AFG2A: variants seen among roughly 807,000 people sequenced by gnomAD.
AFG2A encodes the protein ATPase family gene 2 protein homolog A.
chr4:123,155,216 C>T, the AFG2A span, among the ~76,000 whole-genome samples: 2 of 152,182 alleles, frequency 1.3e-5, no homozygotes, highest in East Asian at 3.9e-4. Flanking sequence ...TCCCGAGTAG[C>T]GTGGACTACA....
At chr4:123,138,249 G>T in the AFG2A span, among the ~76,000 whole-genome samples, 1 of 152,152 alleles carries the variant, frequency 6.6e-6, no homozygotes, top group Non-Finnish European at 1.5e-5. Flanking sequence ...ATTGCCCCAG[G>T]TAACACAGCT....
At chr4:123,131,427 A>T in the AFG2A span, among the ~76,000 whole-genome samples, 1 of 152,108 alleles carries the variant, frequency 6.6e-6, no homozygotes, top group Admixed American at 6.5e-5. Flanking sequence ...AAGTATATTC[A>T]CATTGTTGCA....
At chr4:123,256,905 AG>A in the AFG2A span, 3 of 938,838 alleles carry the variant, frequency 3.2e-6, no homozygotes, top group South Asian at 1.5e-4. Flanking sequence ...GCATTTCTTA[AG>A]GAAAGGACCA....
At chr4:122,986,655 G>A in the AFG2A span, among the ~76,000 whole-genome samples, 1,523 of 152,094 alleles carry the variant, frequency 0.01, 36 homozygotes, top group African/African-American at 0.035. Flanking sequence ...TACACTGCTC[G>A]GGTGATGACT....
At chr4:122,967,121 A>G in the AFG2A span, among the ~76,000 whole-genome samples, 1 of 152,192 alleles carries the variant, frequency 6.6e-6, no homozygotes, top group African/African-American at 2.4e-5. Context: ...TTTCAAAACC[A>G]GTTCGGTGCA....
chr4:123,016,307 C>T, the AFG2A span, among the ~76,000 whole-genome samples: 11 of 151,304 alleles, frequency 7.3e-5, no homozygotes, highest in Non-Finnish European at 1.5e-4. Flanking sequence ...CGGGCAGAGA[C>T]GCCCCTCACT....
the AFG2A span, chr4:122,923,126 T>G: frequency 3.1e-6 from 5 of 1,613,900 alleles, no homozygotes; most frequent in African/African-American, 2.7e-5. Flanking sequence ...CTGCTTCGGC[T>G]AGGGTACCTT....
At chr4:123,241,906 T>A in the AFG2A span, among the ~76,000 whole-genome samples, 4 of 152,350 alleles carry the variant, frequency 2.6e-5, no homozygotes, top group East Asian at 7.7e-4. Context: ...CAAAATCTCC[T>A]TATGCTGATA....
At chr4:123,223,138 A>C in the AFG2A span, among the ~76,000 whole-genome samples, 1 of 152,134 alleles carries the variant, frequency 6.6e-6, no homozygotes, top group Non-Finnish European at 1.5e-5. Flanking sequence ...CAGGTGCATC[A>C]TTTTGCAGTC....
At chr4:122,935,777 C>T in the AFG2A span, 1 of 1,612,802 alleles carries the variant, frequency 6.2e-7, no homozygotes, top group Non-Finnish European at 8.5e-7. Flanking sequence ...ACAATGATCG[C>T]CAGGGCTGTT....
chr4:123,056,985 T>C, the AFG2A span, among the ~76,000 whole-genome samples: 15 of 152,372 alleles, frequency 9.8e-5, no homozygotes, highest in African/African-American at 3.6e-4. Flanking sequence ...TTCACACCTA[T>C]GTGAATATGT....
At chr4:123,197,063 TAATA>T in the AFG2A span, among the ~76,000 whole-genome samples, 8 of 152,196 alleles carry the variant, frequency 5.3e-5, no homozygotes, top group African/African-American at 1.9e-4. Flanking sequence ...TTCATTGCAA[TAATA>T]AATCTTTTTG....
chr4:123,221,160 G>T, the AFG2A span, among the ~76,000 whole-genome samples: 1 of 151,952 alleles, frequency 6.6e-6, no homozygotes, highest in Non-Finnish European at 1.5e-5. Context: ...TTTTGTTGTT[G>T]TTTTGTTTAT....
the AFG2A span, among the ~76,000 whole-genome samples, chr4:123,170,026 C>T: frequency 6.6e-6 from 1 of 152,198 alleles, no homozygotes; most frequent in East Asian, 1.9e-4. Flanking sequence ...AGTTAGGGTT[C>T]GTTTTGGAGG....
the AFG2A span, among the ~76,000 whole-genome samples, chr4:123,066,065 T>C: frequency 1.3e-5 from 2 of 152,312 alleles, no homozygotes; most frequent in East Asian, 3.8e-4. Context: ...TAGCTGTTTC[T>C]GCATTTATAG....
chr4:123,069,411 G>T, the AFG2A span, among the ~76,000 whole-genome samples: 1 of 152,106 alleles, frequency 6.6e-6, no homozygotes, highest in African/African-American at 2.4e-5. Flanking sequence ...TGATGATCCT[G>T]TATTATCAAG....
the AFG2A span, chr4:123,057,146 A>C: frequency 1.3e-6 from 2 of 1,568,978 alleles, no homozygotes; most frequent in Non-Finnish European, 1.8e-6. Flanking sequence ...TTTTAAAACA[A>C]ACCAACTACA....
the AFG2A span, among the ~76,000 whole-genome samples, chr4:122,942,138 C>T: frequency 1.3e-5 from 2 of 151,320 alleles, no homozygotes; most frequent in African/African-American, 4.9e-5. Context: ...CAGGATGATG[C>T]TGGCCTCATA....
At chr4:123,300,522 A>G in the AFG2A span, among the ~76,000 whole-genome samples, 1 of 152,174 alleles carries the variant, frequency 6.6e-6, no homozygotes, top group Non-Finnish European at 1.5e-5. Context: ...AACAGCCCAT[A>G]TAATTTTGCA....
Sources: allele counts gnomAD v4.1 joint callset (sites outside exome capture counted in the v4.1 genomes callset), GRCh38; gene constraint gnomAD v4.1.1; transcripts MANE v1.5; gene names NCBI Gene and HGNC (gene_info 2026-07-23, HGNC 2026-07-21).